The following WDR35 variants were observed in gnomAD, a reference collection of about 807,000 sequenced individuals.
WDR35 encodes the protein WD repeat-containing protein 35.
WDR35 carries 118 observed loss-of-function variants against 158.3 expected under a neutral mutation model. The observed-to-expected ratio is 0.75, with a 90% CI of 0.64 to 0.87. The LOEUF (loss-of-function observed/expected upper bound fraction) is 0.87, where lower values mean the gene tolerates loss of function less well. Among genes scored for constraint, WDR35 ranks in the 40% least tolerant of loss-of-function variants. The pLI, the probability that WDR35 is intolerant of heterozygous loss-of-function variation, is 0.00. For missense variants in WDR35, 1,263 were observed against 1,405.8 expected (o/e 0.90, Z 1.62); for synonymous variants, 448 against 476.1 (o/e 0.94, Z 0.77).
chr2:19,923,040 C>CTTAT (rs967418613), intron 25 of WDR35, among the ~76,000 whole-genome samples: 1 of 152,212 alleles, frequency 6.6e-6, no homozygotes, highest in African/African-American at 2.4e-5. Context: ...CTTCATTTCT[C>CTTAT]ATAAGGGATA....
In WDR35 at chr2:19,911,700, G is replaced by A. The variant is rs1669840253; in HGVS notation, c.*1858C>T. The A allele has an allele frequency of 6.6e-6, 1 of 152,162 alleles. No homozygotes were observed. Among genetic ancestry groups the A allele is most frequent in the African/African-American group, 2.4e-5 (1 of 41,436 alleles). The allele number at this position is 152,162 out of a possible 1,614,324, so 9.4% of individuals were successfully genotyped here. A position where few individuals can be genotyped will look rare whatever the true frequency, so the allele number is the denominator to read the frequency against. Reference sequence around the variant, plus strand: ...TATGTGTGACCACAGATAGAAAGGAGCAAGAGATACCAAATATTCATGAAG... The same window carrying A: ...TATGTGTGACCACAGATAGAAAGGAACAAGAGATACCAAATATTCATGAAG... On this transcript the variant is annotated 3_prime_UTR_variant, in exon 27 of 27. Transcript: ENST00000281405.
chr2:19,985,899 G>GGA (rs71391748), intron 2 of WDR35, among the ~76,000 whole-genome samples: 20 of 71,164 alleles, frequency 2.8e-4, no homozygotes, highest in Admixed American at 1.6e-3. Context: ...CCCATCTCGG[G>GGA]AAAAAAAAAA....
intron 25 of WDR35, among the ~76,000 whole-genome samples, chr2:19,926,732 G>A (rs1455748950): frequency 2.6e-5 from 4 of 152,222 alleles, no homozygotes. Flanking sequence ...TAGTTTGGTG[G>A]AGAGATCTGA....
At position 19,980,775 on chromosome 2, in the gene WDR35, G is replaced by C. The variant is rs769594821; in HGVS notation, c.223C>G (p.Gln75Glu). The stretch of plus-strand genomic sequence containing the variant: ...TACTGCTCATTCCATGTTACAACTT[G>C]AACAGAACCTAGAACATTATAAAAC... ...QTLEGHSGSV[Q>E]VVTWNEQYQK... The change falls in exon 4 of 27, where the codon CAA (glutamine) becomes GAA (glutamate). Residue 75 changes from glutamine (Q) to glutamate (E), a missense_variant. Physicochemically the swap from Gln to Glu is conservative, Grantham distance 29. Transcript: ENST00000281405. 2 of 1,613,404 alleles carry C rather than the reference G, an allele frequency of 1.2e-6. No individual in the cohort carries two copies. Among genetic ancestry groups the C allele is most frequent in the East Asian group, 2.2e-5 (1 of 44,784 alleles).
At chr2:19,989,087 A>G (rs773093192) in intron 2 of WDR35, 78 bp downstream of exon 2, 17 of 1,223,324 alleles carry the variant, frequency 1.4e-5, no homozygotes, top group Non-Finnish European at 2.1e-5. Context: ...GCATATTGAC[A>G]GATAACATGA....
At chr2:19,960,745 G>A (rs925371049) in intron 10 of WDR35, 131 bp from the exon 11 acceptor site, 56 of 697,764 alleles carry the variant, frequency 8.0e-5, no homozygotes, top group East Asian at 4.2e-4. Context: ...AAACTGTTAC[G>A]TGCAAAAAAT....
intron 10 of WDR35, among the ~76,000 whole-genome samples, chr2:19,964,986 C>T (rs1479399747): frequency 1.3e-5 from 2 of 151,882 alleles, no homozygotes; most frequent in Non-Finnish European, 2.9e-5. Flanking sequence ...TGCAATGGCA[C>T]GATCCTGGCT....
At chr2:19,963,165 CCTCT>C (rs1472251466) in intron 10 of WDR35, among the ~76,000 whole-genome samples, 2 of 152,096 alleles carry the variant, frequency 1.3e-5, no homozygotes, top group East Asian at 1.9e-4. Context: ...CCTTTCCATC[CCTCT>C]CTCTATTTTT....
intron 25 of WDR35, among the ~76,000 whole-genome samples, chr2:19,921,874 G>GA (rs141199778): frequency 3.9e-5 from 6 of 152,002 alleles, no homozygotes; most frequent in African/African-American, 1.4e-4. Flanking sequence ...AAATTTACAA[G>GA]AAAAAAACAA....
intron 14 of WDR35, 150 bp from the exon 15 acceptor site, chr2:19,946,720 T>C: frequency 1.4e-6 from 1 of 703,458 alleles, no homozygotes; most frequent in Admixed American, 2.3e-5. Context: ...TGTCCTTAAG[T>C]ACATATTTAC....
At chr2:19,979,621 G>C (rs1327885611) in intron 4 of WDR35, among the ~76,000 whole-genome samples, 1 of 152,070 alleles carries the variant, frequency 6.6e-6, no homozygotes, top group Non-Finnish European at 1.5e-5. Flanking sequence ...GGCAACTCTG[G>C]CCTGCAGCCA....
chr2:19,962,849 C>T (rs1671707784), intron 10 of WDR35, among the ~76,000 whole-genome samples: 2 of 152,092 alleles, frequency 1.3e-5, no homozygotes, highest in Non-Finnish European at 2.9e-5. Context: ...TTTACTGCCA[C>T]AAAATACCAC....
At chr2:19,923,555 G>C (rs1402837673) in intron 25 of WDR35, among the ~76,000 whole-genome samples, 3 of 152,164 alleles carry the variant, frequency 2.0e-5, no homozygotes, top group Non-Finnish European at 4.4e-5. Flanking sequence ...AAGGAGAGAG[G>C]TTCATCCCTA....
chr2:19,913,932 T>C lies in WDR35; in HGVS notation c.3362+105A>G. On this transcript the variant is annotated intron_variant, in intron 26 of 26. Coordinates refer to ENST00000281405, the MANE Select transcript of WDR35 (RefSeq NM_020779.4). ...AAATAGGGTATAATGTTAATGTGAA[T>C]TGCTTCAAAATTCAGTGCTTTAATT... 3 of 1,540,498 alleles carry C rather than the reference T, an allele frequency of 1.9e-6. No individual in the cohort carries two copies. The Admixed American group carries it at 5.3e-5, about 27-fold the overall frequency.
chr2:19,980,757 C>T lies in WDR35; in HGVS notation c.241G>A (p.Glu81Lys). 4 of 1,613,762 alleles carry T rather than the reference C, an allele frequency of 2.5e-6. No homozygotes were observed. The highest frequency in any genetic ancestry group is 1.7e-4 in the Middle Eastern group (1 of 6,056). The change falls in exon 4 of 27, where the codon GAG (glutamate) becomes AAG (lysine). Residue 81 changes from glutamate to lysine, a missense_variant. By Grantham distance (56) the Glu-to-Lys change is moderately conservative. Coordinates refer to ENST00000281405, the MANE Select transcript of WDR35 (RefSeq NM_020779.4). The stretch of plus-strand genomic sequence containing the variant: ...CTGGTAGTCAACTTCTGATACTGCT[C>T]ATTCCATGTTACAACTTGAACAGAA... The part of the protein sequence containing the change: ...SGSVQVVTWN[E>K]QYQKLTTSDE...
At chr2:19,963,589 T>C (rs1671738898) in intron 10 of WDR35, among the ~76,000 whole-genome samples, 1 of 152,168 alleles carries the variant, frequency 6.6e-6, no homozygotes, top group Non-Finnish European at 1.5e-5. Context: ...GTGTCCACTC[T>C]ACTGTTTCTT....
chr2:19,980,342 C>T (rs1672345261), intron 4 of WDR35, among the ~76,000 whole-genome samples: 1 of 151,872 alleles, frequency 6.6e-6, no homozygotes, highest in African/African-American at 2.4e-5. Context: ...CACTCACACA[C>T]ACATGAATGT....
At chr2:19,980,328 T>C (rs1453023013) in intron 4 of WDR35, among the ~76,000 whole-genome samples, 2 of 151,412 alleles carry the variant, frequency 1.3e-5, no homozygotes, top group Non-Finnish European at 2.9e-5. Flanking sequence ...CAATATTAAA[T>C]ACACACTCAC....
At chr2:19,965,717 T>C (rs564534428) in intron 10 of WDR35, among the ~76,000 whole-genome samples, 2 of 152,244 alleles carry the variant, frequency 1.3e-5, no homozygotes, top group South Asian at 2.1e-4. Flanking sequence ...ACCCCAGTCG[T>C]TGTAGGTGGC....
Sources: allele counts gnomAD v4.1 joint callset (sites outside exome capture counted in the v4.1 genomes callset), GRCh38; gene constraint gnomAD v4.1.1; transcripts MANE v1.5; gene names NCBI Gene and HGNC (gene_info 2026-07-23, HGNC 2026-07-21).